The following MFSD11 variants were observed in gnomAD, a reference collection of about 807,000 sequenced individuals.
The protein encoded by MFSD11 is UNC93-like protein MFSD11.
Under a neutral mutation model 53.5 loss-of-function variants are expected in MFSD11, and 36 were observed. The observed-to-expected ratio is 0.67, with a 90% confidence interval of 0.52 to 0.89. MFSD11 has a LOEUF of 0.89. Among genes scored for constraint, MFSD11 ranks in the 40% least tolerant of loss-of-function variants. The pLI is 0.00. For synonymous variants in MFSD11, 186 were observed against 184.9 expected (o/e 1.01, Z -0.05); for missense variants, 530 against 543.9 (o/e 0.97, Z 0.25).
chr17:76,775,317 A>C (rs1055566481), intron 11 of MFSD11, 146 bp downstream of exon 11: 3 of 619,134 alleles, frequency 4.8e-6, no homozygotes, highest in East Asian at 3.1e-5. Flanking sequence ...AGTCAGACTG[A>C]GTTTAAATAG....
intron 8 of MFSD11, among the ~76,000 whole-genome samples, chr17:76,760,277 CAAAA>C (rs549267564): frequency 2.2e-5 from 2 of 92,628 alleles, no homozygotes; most frequent in Admixed American, 1.2e-4. Flanking sequence ...AACTCTGTCT[CAAAA>C]AAAAAAAAAA....
At chr17:76,746,298 C>T (rs1041734669) in intron 7 of MFSD11, among the ~76,000 whole-genome samples, 1 of 152,128 alleles carries the variant, frequency 6.6e-6, no homozygotes, top group South Asian at 2.1e-4. Context: ...TTGAAGCTAG[C>T]AGAGGTTGGT....
At chr17:76,769,629 T>C in intron 9 of MFSD11, 117 bp from the exon 10 acceptor site, 1 of 714,392 alleles carries the variant, frequency 1.4e-6, no homozygotes, top group Non-Finnish European at 2.3e-6. Context: ...TATTTCAGTC[T>C]CTGTGAGTTT....
chr17:76,776,144 A>G lies in MFSD11; in HGVS notation c.1050-262A>G, dbSNP rs1223116184. Among the ~76,000 whole-genome samples, 2 of 151,960 alleles carry G rather than the reference A, an allele frequency of 1.3e-5. No individual in the cohort carries two copies. The highest frequency in any genetic ancestry group is 6.6e-5 in the Admixed American group (1 of 15,248). ...CAGGCACGCGCCACTATGCCCAGCT[A>G]ATTTTTATATTTTTAGTAGAGATGG... On this transcript the variant is annotated intron_variant, in intron 11 of 12. Transcript: ENST00000685175. This position sits in a 1 kb window ranked among gnomAD's most constrained non-coding sequence, Gnocchi z 4.2.
chr17:76,762,679 G>A (rs969295595), intron 8 of MFSD11, among the ~76,000 whole-genome samples: 2 of 148,386 alleles, frequency 1.3e-5, no homozygotes, highest in African/African-American at 2.5e-5. Context: ...AAAAAAAAGC[G>A]GCCTTGACCA....
rs757179616 is a variant in MFSD11 at position 76,776,557 on chromosome 17, T to A, written c.1185+16T>A. 6 of 1,612,534 alleles carry A rather than the reference T, an allele frequency of 3.7e-6. No individual in the cohort carries two copies. Among genetic ancestry groups the A allele is most frequent in the Non-Finnish European group, 5.1e-6 (6 of 1,179,624 alleles). Reference sequence around the variant, plus strand: ...GTTTGTTCAGGTAACCTCTTCAGATTGTGATTGTGTTTGACATAGGGCTCT... The same window carrying A: ...GTTTGTTCAGGTAACCTCTTCAGATAGTGATTGTGTTTGACATAGGGCTCT... On this transcript the variant is annotated intron_variant, in intron 12 of 12. Transcript: ENST00000685175. This position sits in a 1 kb window ranked among gnomAD's most constrained non-coding sequence, Gnocchi z 4.2.
chr17:76,770,755 A>C (rs898991857), intron 10 of MFSD11, among the ~76,000 whole-genome samples: 7 of 152,204 alleles, frequency 4.6e-5, no homozygotes, highest in African/African-American at 1.7e-4. Context: ...ATTATAAAGG[A>C]TACAGATGAG....
At chr17:76,768,425 A>G (rs1047929450) in intron 9 of MFSD11, among the ~76,000 whole-genome samples, 14 of 152,176 alleles carry the variant, frequency 9.2e-5, no homozygotes, top group African/African-American at 2.7e-4. Context: ...CTTTTAAAAA[A>G]TGCTGTAATT....
At chr17:76,741,620 T>C (rs1340351814) in intron 3 of MFSD11, among the ~76,000 whole-genome samples, 2 of 151,944 alleles carry the variant, frequency 1.3e-5, no homozygotes, top group Non-Finnish European at 2.9e-5. Context: ...CCCTTGTCTC[T>C]ACCAAAAATA....
the MFSD11 span, among the ~76,000 whole-genome samples, chr17:76,798,658 A>ATATCAC: frequency 1.3e-5 from 2 of 152,142 alleles, no homozygotes; most frequent in African/African-American, 2.4e-5. Flanking sequence ...CACATCTAGT[A>ATATCAC]AAGGTCTGAG....
chr17:76,783,976 A>G (rs2082232953), downstream of MFSD11, among the ~76,000 whole-genome samples: 1 of 152,144 alleles, frequency 6.6e-6, no homozygotes, highest in South Asian at 2.1e-4. Flanking sequence ...AAAAAAAGAA[A>G]AAAGGAAGGT....
chr17:76,796,124 T>C, the MFSD11 span, among the ~76,000 whole-genome samples: 6 of 152,186 alleles, frequency 3.9e-5, no homozygotes. Flanking sequence ...TTATTCTTGT[T>C]TCATGAATAC....
the MFSD11 span, among the ~76,000 whole-genome samples, chr17:76,801,270 G>A: frequency 1.4e-5 from 2 of 147,298 alleles, no homozygotes; most frequent in South Asian, 2.2e-4. Flanking sequence ...GCATGCACCT[G>A]TAGTTCCAGC....
intron 10 of MFSD11, among the ~76,000 whole-genome samples, chr17:76,772,351 G>T (rs1466025944): frequency 6.6e-6 from 1 of 151,468 alleles, no homozygotes; most frequent in East Asian, 2.0e-4. Context: ...AGTGAATCCA[G>T]ATCACACCAC....
At chr17:76,795,157 C>T in the MFSD11 span, among the ~76,000 whole-genome samples, 1 of 151,854 alleles carries the variant, frequency 6.6e-6, no homozygotes, top group African/African-American at 2.4e-5. Flanking sequence ...CAACTATTTA[C>T]ATAGCATTTA....
At chr17:76,781,335 G>T (rs527733773), downstream of MFSD11, 4 of 152,336 alleles carry the variant, frequency 2.6e-5, no homozygotes, top group Non-Finnish European at 5.9e-5. Flanking sequence ...TCCATCAAAG[G>T]TCACAAGCAA....
chr17:76,797,825 A>G, the MFSD11 span, among the ~76,000 whole-genome samples: 1 of 152,044 alleles, frequency 6.6e-6, no homozygotes, highest in Non-Finnish European at 1.5e-5. Context: ...AAGGGAGGGG[A>G]GTTCCTATAA....
chr17:76,765,970 C>T (rs2080814353), intron 8 of MFSD11, among the ~76,000 whole-genome samples: 1 of 151,342 alleles, frequency 6.6e-6, no homozygotes. Flanking sequence ...TCGTTATCAC[C>T]TAAAGACCAT....
chr17:76,789,690 G>A, the MFSD11 span, among the ~76,000 whole-genome samples: 129 of 149,892 alleles, frequency 8.6e-4, 10 homozygotes, highest in South Asian at 0.014. Flanking sequence ...GCCCTCTCCT[G>A]CCCTGCTCAG....
Sources: gnomAD v4.1 joint callset for allele counts (sites outside exome capture counted in the v4.1 genomes callset) on GRCh38, gnomAD v4.1.1 for gene constraint, Gnocchi (gnomAD v3.1) non-coding constraint, MANE v1.5 for transcripts, NCBI Gene and HGNC (gene_info 2026-07-23, HGNC 2026-07-21) for gene names.